DRC11: variants seen among roughly 807,000 people sequenced by gnomAD.
The protein encoded by DRC11 is dynein regulatory complex subunit 11.
At chr2:236,326,952 T>G in the DRC11 span, among the ~76,000 whole-genome samples, 1 of 151,990 alleles carries the variant, frequency 6.6e-6, no homozygotes, top group Non-Finnish European at 1.5e-5. Flanking sequence ...ACTCCTGACC[T>G]CAAGTGATCC....
At chr2:236,331,191 A>G in the DRC11 span, among the ~76,000 whole-genome samples, 1 of 152,220 alleles carries the variant, frequency 6.6e-6, no homozygotes, top group Non-Finnish European at 1.5e-5. The surrounding 1 kb of genome is among the most constrained non-coding windows in gnomAD (Gnocchi z 4.8). Context: ...TGGAAGATAC[A>G]TGCTTTACTG....
At chr2:236,339,638 G>A in the DRC11 span, among the ~76,000 whole-genome samples, 2 of 152,202 alleles carry the variant, frequency 1.3e-5, no homozygotes, top group African/African-American at 4.8e-5. Flanking sequence ...CAATTCAACA[G>A]TCCCAGCATT....
chr2:236,383,293 A>G, the DRC11 span, among the ~76,000 whole-genome samples: 538 of 152,246 alleles, frequency 3.5e-3, 5 homozygotes, highest in African/African-American at 0.012. Context: ...CATTGGTTGT[A>G]ATTTCCTCTG....
At chr2:236,446,382 C>A in the DRC11 span, among the ~76,000 whole-genome samples, 1 of 152,182 alleles carries the variant, frequency 6.6e-6, no homozygotes, top group African/African-American at 2.4e-5. The surrounding 1 kb of genome is among the most constrained non-coding windows in gnomAD (Gnocchi z 6.2). Context: ...GGGTCCGAGG[C>A]ACTGACTGCA....
At chr2:236,343,839 T>C in the DRC11 span, 9 of 934,516 alleles carry the variant, frequency 9.6e-6, no homozygotes, top group African/African-American at 1.7e-5. The surrounding 1 kb of genome is among the most constrained non-coding windows in gnomAD (Gnocchi z 6.6). Context: ...CAAGGCTCAT[T>C]TGGGGAAGAA....
At chr2:236,363,896 C>G in the DRC11 span, 15 of 1,613,900 alleles carry the variant, frequency 9.3e-6, no homozygotes, top group South Asian at 1.3e-4. This position sits in a 1 kb window ranked among gnomAD's most constrained non-coding sequence, Gnocchi z 5.6. Flanking sequence ...ATGGCATGGA[C>G]CAGCATTTTC....
the DRC11 span, among the ~76,000 whole-genome samples, chr2:236,495,999 C>T: frequency 3.3e-5 from 5 of 152,170 alleles, no homozygotes; most frequent in African/African-American, 4.8e-5. This position sits in a 1 kb window ranked among gnomAD's most constrained non-coding sequence, Gnocchi z 5.6. Context: ...CCCAAATGCG[C>T]TATTCCTTAA....
chr2:236,314,177 A>G, the DRC11 span, among the ~76,000 whole-genome samples: 2 of 152,312 alleles, frequency 1.3e-5, no homozygotes, highest in East Asian at 1.9e-4. This position sits in a 1 kb window ranked among gnomAD's most constrained non-coding sequence, Gnocchi z 4.5. Context: ...CCTATGCAGG[A>G]TCTCTCTGAT....
chr2:236,358,406 AATATATATGATATATGAATATATATCAT>A, the DRC11 span, among the ~76,000 whole-genome samples: 1 of 140,978 alleles, frequency 7.1e-6, no homozygotes, highest in East Asian at 2.0e-4. Flanking sequence ...ATCATATATA[AATATATATGATATATGAATATATATCAT>A]ATATAAATAT....
chr2:236,448,620 G>C, the DRC11 span, among the ~76,000 whole-genome samples: 20 of 152,086 alleles, frequency 1.3e-4, no homozygotes, highest in Non-Finnish European at 2.6e-4. This position sits in a 1 kb window ranked among gnomAD's most constrained non-coding sequence, Gnocchi z 5.3. Context: ...ACAGGCATGA[G>C]CCACCATGCC....
the DRC11 span, among the ~76,000 whole-genome samples, chr2:236,362,046 C>G: frequency 2.0e-5 from 3 of 152,196 alleles, no homozygotes; most frequent in South Asian, 6.2e-4. The surrounding 1 kb of genome is among the most constrained non-coding windows in gnomAD (Gnocchi z 5.7). Flanking sequence ...AATAATCAAC[C>G]AGGAAGGAAG....
At chr2:236,420,387 A>G in the DRC11 span, among the ~76,000 whole-genome samples, 4 of 152,204 alleles carry the variant, frequency 2.6e-5, no homozygotes, top group African/African-American at 4.8e-5. This position sits in a 1 kb window ranked among gnomAD's most constrained non-coding sequence, Gnocchi z 4.8. Context: ...CCAACAATCC[A>G]TACTCCAGTC....
the DRC11 span, among the ~76,000 whole-genome samples, chr2:236,445,236 G>A: frequency 3.9e-5 from 6 of 152,118 alleles, no homozygotes; most frequent in East Asian, 1.9e-4. The surrounding 1 kb of genome is among the most constrained non-coding windows in gnomAD (Gnocchi z 4.8). Context: ...CATTTCTAAC[G>A]TGGAATTCTT....
chr2:236,341,555 G>A, the DRC11 span, among the ~76,000 whole-genome samples: 1 of 152,190 alleles, frequency 6.6e-6, no homozygotes, highest in Non-Finnish European at 1.5e-5. Flanking sequence ...GGAGGACAGA[G>A]AATTCCGGAG....
the DRC11 span, chr2:236,419,134 A>T: frequency 6.6e-7 from 1 of 1,513,162 alleles, no homozygotes; most frequent in Non-Finnish European, 8.8e-7. The surrounding 1 kb of genome is among the most constrained non-coding windows in gnomAD (Gnocchi z 4.8). Flanking sequence ...CTAAAATTTC[A>T]TACAAATATT....
the DRC11 span, chr2:236,408,152 G>C: frequency 1.5e-4 from 104 of 694,524 alleles, no homozygotes; most frequent in Non-Finnish European, 2.5e-4. This position sits in a 1 kb window ranked among gnomAD's most constrained non-coding sequence, Gnocchi z 5.5. Flanking sequence ...GGAAGGTCAT[G>C]GTCAGTGGAG....
chr2:236,439,089 A>G, the DRC11 span, among the ~76,000 whole-genome samples: 1 of 151,050 alleles, frequency 6.6e-6, no homozygotes, highest in African/African-American at 2.4e-5. Context: ...GGAAATTTAT[A>G]GCAGTAAATG....
chr2:236,453,505 C>T, the DRC11 span, among the ~76,000 whole-genome samples: 1 of 152,334 alleles, frequency 6.6e-6, no homozygotes, highest in East Asian at 1.9e-4. This position sits in a 1 kb window ranked among gnomAD's most constrained non-coding sequence, Gnocchi z 4.9. Context: ...CAAAGAACAG[C>T]TCTGTCCTCT....
At chr2:236,465,380 C>T in the DRC11 span, 516 of 771,272 alleles carry the variant, frequency 6.7e-4, no homozygotes, top group Non-Finnish European at 9.8e-4. The surrounding 1 kb of genome is among the most constrained non-coding windows in gnomAD (Gnocchi z 6.2). Flanking sequence ...TGGCATTTCA[C>T]GTTTCTAAAA....
Sources: gnomAD v4.1 joint callset for allele counts (sites outside exome capture counted in the v4.1 genomes callset) on GRCh38, gnomAD v4.1.1 for gene constraint, Gnocchi (gnomAD v3.1) non-coding constraint, MANE v1.5 for transcripts, NCBI Gene and HGNC (gene_info 2026-07-23, HGNC 2026-07-21) for gene names.